The following ABHD8 variants were observed in gnomAD, a reference collection of about 807,000 sequenced individuals.
ABHD8 encodes the protein protein ABHD8.
Under a neutral mutation model 29.3 loss-of-function variants are expected in ABHD8, and 10 were observed. The observed-to-expected ratio is 0.34, with a 90% CI of 0.21 to 0.58. The LOEUF (loss-of-function observed/expected upper bound fraction) is 0.58. Among genes scored for constraint, ABHD8 ranks in the 20% least tolerant of loss-of-function variants. ABHD8 has a pLI of 0.85. For synonymous variants in ABHD8, 282 were observed against 274.6 expected (o/e 1.03, Z -0.27); for missense variants, 556 against 615.3 (o/e 0.90, Z 1.02).
intron 4 of ABHD8, among the ~76,000 whole-genome samples, chr19:17,293,254 C>A (rs2074078960): frequency 6.6e-6 from 1 of 151,900 alleles, no homozygotes; most frequent in African/African-American, 2.4e-5. Context: ...CGCCACTACA[C>A]CCGGCTAATT....
intron 4 of ABHD8, among the ~76,000 whole-genome samples, chr19:17,293,667 C>T (rs1046752594): frequency 1.3e-5 from 2 of 149,282 alleles, no homozygotes; most frequent in African/African-American, 2.5e-5. Flanking sequence ...AACCACCAGT[C>T]CAGTTATACT....
chr19:17,294,241 G>C, intron 4 of ABHD8, 47 bp downstream of exon 4: 1 of 1,576,940 alleles, frequency 6.3e-7, no homozygotes, highest in Non-Finnish European at 8.6e-7. Flanking sequence ...CTCCCGGGCA[G>C]CACCCTGGGG....
In ABHD8 at chr19:17,300,975, C is replaced by T. The variant is rs778584552; in HGVS notation, c.642G>A (p.Gly214=). 1 of 1,613,492 alleles carries T rather than the reference C, an allele frequency of 6.2e-7. No individual in the cohort carries two copies. The highest frequency in any genetic ancestry group is 1.7e-5 in the Admixed American group (1 of 60,026). ...EVVAPDLAGH[G]ASSAPQVAAA... ...CGGCCACCTGGGGCGCAGAGCTGGC[C>T]CCGTGGCCGGCCAGGTCAGGAGCCA... The change falls in exon 2 of 5, where the codon GGG becomes GGA. Residue 214 remains glycine (G), a synonymous_variant. Coordinates refer to ENST00000247706, the MANE Select transcript of ABHD8 (RefSeq NM_024527.5).
At chr19:17,297,263 C>T (rs2145654946) in intron 2 of ABHD8, among the ~76,000 whole-genome samples, 1 of 152,182 alleles carries the variant, frequency 6.6e-6, no homozygotes, top group South Asian at 2.1e-4. Flanking sequence ...GTTATGGGGT[C>T]ATGGGAACTA....
rs2074117633 is a variant in ABHD8, at chr19:17,301,391, C to G, written c.226G>C (p.Val76Leu). 6.2e-7 allele frequency: 1 copy of G among 1,611,620 alleles called. No individual in the cohort carries two copies. The highest frequency in any genetic ancestry group is 1.3e-5 in the African/African-American group (1 of 74,944). ...ACGGTGATCCGGCGCTGACAGCGGA[C>G]CAAGCCGGAGAGGTCCCCCTGGGCT... ...DAAQGDLSGL[V>L]RCQRRITVYR... The change falls in exon 2 of 5, where the codon GTC (valine) becomes CTC (leucine). Residue 76 changes from valine to leucine, a missense_variant. Coordinates refer to ENST00000247706, the MANE Select transcript of ABHD8 (RefSeq NM_024527.5).
chr19:17,300,103 ACCGT>A (rs1396085846), intron 2 of ABHD8, among the ~76,000 whole-genome samples: 1 of 150,150 alleles, frequency 6.7e-6, no homozygotes, highest in Admixed American at 6.6e-5. Flanking sequence ...ACAGGGTTTC[ACCGT>A]GTTAGCCAGG....
intron 2 of ABHD8, among the ~76,000 whole-genome samples, chr19:17,295,564 A>G (rs915976867): frequency 9.9e-5 from 15 of 150,946 alleles, no homozygotes; most frequent in African/African-American, 3.4e-4. Context: ...GCACCACCAC[A>G]CCTGGCTAAT....
At position 17,294,656 on chromosome 19, in the gene ABHD8, T is replaced by C; in HGVS notation, c.932+19A>G. ...TTCGCCAGGGCCAGGATCACGGTCT[T>C]TGGGGTGGGGACACTCACTTGAGGA... On this transcript the variant is annotated intron_variant, in intron 3 of 4. Transcript: ENST00000247706. The C allele has an allele frequency of 6.2e-7, 1 of 1,612,148 alleles. No homozygotes were observed. The highest frequency in any genetic ancestry group is 8.5e-7 in the Non-Finnish European group (1 of 1,178,638).
In ABHD8 at chr19:17,292,503, A is replaced by T; in HGVS notation, c.*158T>A. 1.1e-6 allele frequency: 1 copy of T among 872,904 alleles called. No individual in the cohort carries two copies. Among genetic ancestry groups the T allele is most frequent in the Non-Finnish European group, 1.6e-6 (1 of 613,508 alleles). 54.1% of individuals were successfully genotyped at this position (872,904 alleles called of 1,614,324 possible). A position where few individuals can be genotyped will look rare whatever the true frequency, so the allele number is the denominator to read the frequency against. On this transcript the variant is annotated 3_prime_UTR_variant, in exon 5 of 5. Transcript: ENST00000247706. ...TGTCCGCTGGGCTCCCTCGGATGCC[A>T]CGCCCCGCCCAGGCAGCCTGGGGGC... is the stretch of plus-strand genomic sequence containing the variant.
Position 17,294,501 on chromosome 19 carries a change from G to T in ABHD8, c.936C>A (p.Ala312=), listed in dbSNP as rs370502455. ...SPCLAWSFLK[A]GFARQGAKEK... ...CCTTGGCTCCTTGGCGGGCGAAGCC[G>T]GCCCTGGTGGTGGTGGAGGCACCGC... The change falls in exon 4 of 5, where the codon GCC becomes GCA. Residue 312 remains alanine (A), a synonymous_variant. Transcript: ENST00000247706. 2.5e-6 allele frequency: 4 copies of T among 1,613,640 alleles called. No individual in the cohort carries two copies. In the Admixed American group the frequency reaches 5.0e-5, roughly 20 times the overall value.
Position 17,301,557 on chromosome 19 carries a change from G to A in ABHD8, c.60C>T (p.Ala20=), listed in dbSNP as rs11086066. Residue 20 remains alanine, a synonymous_variant, in exon 2 of 5, where the codon GCC becomes GCT. Transcript: ENST00000247706. ...ACTCGACGCTCTCCAGTGGCCCCAC[G>A]GCGTTGGGGGGCGTGCCCAGCAGGC... The part of the protein sequence containing the change: ...FCCLLGTPPN[A]VGPLESVESS... The A allele has an allele frequency of 0.29, 469,696 of 1,602,192 alleles. 70,527 individuals are homozygous for A. Among genetic ancestry groups the A allele is most frequent in the South Asian group, 0.37 (33,282 of 90,426 alleles).
Position 17,301,526 on chromosome 19 carries a change from C to T in ABHD8, c.91G>A (p.Asp31Asn), listed in dbSNP as rs968935995. 36 of 1,610,288 alleles carry T rather than the reference C, an allele frequency of 2.2e-5. No individual in the cohort carries two copies. Among genetic ancestry groups the T allele is most frequent in the Non-Finnish European group, 2.9e-5 (34 of 1,178,884 alleles). The change falls in exon 2 of 5, where the codon GAT becomes AAT. Residue 31 changes from aspartate to asparagine, a missense_variant. This residue lies in a region of ABHD8 where 286 missense variants were observed against 261.4 expected (regional missense o/e 1.09). Transcript: ENST00000247706. ...TTGACCTCTACAAAGGTGTAGCCAT[C>T]GCTGGACTCGACGCTCTCCAGTGGC... The part of the protein sequence containing the change: ...VGPLESVESS[D>N]GYTFVEVKPG...
rs1482992607 is a variant in ABHD8 at position 17,295,147 on chromosome 19, G to A, written c.762-302C>T. Among the ~76,000 whole-genome samples the A allele has an allele frequency of 4.5e-5, 6 of 133,160 alleles. No individual in the cohort carries two copies. The East Asian group carries it at 1.2e-3, about 26-fold the overall frequency. 87.4% of individuals were successfully genotyped at this position (133,160 alleles called of 152,430 possible). ...GGAGTCTCGCTCTGTCGCCCAGGCC[G>A]GACTGCGGACTGCAGTGGCGCAATC... is the stretch of plus-strand genomic sequence containing the variant. On this transcript the variant is annotated intron_variant, in intron 2 of 4. Coordinates refer to ENST00000247706, the MANE Select transcript of ABHD8 (RefSeq NM_024527.5).
At position 17,294,716 on chromosome 19, in the gene ABHD8, G is replaced by C. The variant is rs764860195; in HGVS notation, c.891C>G (p.Val297=). ...CCAGGCAGGGCGACAAGCAGTGCAG[G>C]ACGCAGGTGGGCATGTTGAAGATTG... ...FCSIFNMPTC[V]LHCLSPCLAW... is the part of the protein sequence containing the mutation. The change falls in exon 3 of 5, where the codon GTC becomes GTG. Residue 297 remains valine, a synonymous_variant. Transcript: ENST00000247706. 9 of 1,614,062 alleles carry C rather than the reference G, an allele frequency of 5.6e-6. No individual in the cohort carries two copies.
Position 17,294,815 on chromosome 19 carries a change from C to T in ABHD8, c.792G>A (p.Glu264=), listed in dbSNP as rs1311246620. 2 of 1,614,176 alleles carry T rather than the reference C, an allele frequency of 1.2e-6. No individual in the cohort carries two copies. Among genetic ancestry groups the T allele is most frequent in the Non-Finnish European group, 1.7e-6 (2 of 1,180,016 alleles). Residue 264 remains glutamate (E), a synonymous_variant, in exon 3 of 5, where the codon GAG becomes GAA. Coordinates refer to ENST00000247706, the MANE Select transcript of ABHD8 (RefSeq NM_024527.5). ...GVSFCTFLAH[E]YPDLVHKVIM... ...TCACCTTGTGCACTAGGTCTGGGTA[C>T]TCATGTGCCAGGAATGTGCAGAAAG...
chr19:17,298,735 C>CTTTTTTTTTT (rs34731394), intron 2 of ABHD8, among the ~76,000 whole-genome samples: 1 of 70,422 alleles, frequency 1.4e-5, no homozygotes, highest in Non-Finnish European at 2.5e-5. Context: ...AACAACACTG[C>CTTTTTTTTTT]TTTTTTTTTT....
intron 3 of ABHD8, 44 bp from the exon 4 acceptor site, chr19:17,294,548 G>A: frequency 2.5e-6 from 4 of 1,611,876 alleles, no homozygotes; most frequent in Non-Finnish European, 2.5e-6. Context: ...ATGCCAGCCC[G>A]ACTGCCGTGG....
rs138165311 is a variant in ABHD8, at chr19:17,292,207, C to T, written c.*454G>A. On this transcript the variant is annotated 3_prime_UTR_variant, in exon 5 of 5. Coordinates refer to ENST00000247706, the MANE Select transcript of ABHD8 (RefSeq NM_024527.5). ...GTGGCGCCAGCCCCCCCATCCCCCC[C>T]CCTTGGGCAAAAATAGCTCCCAGCG... The T allele has an allele frequency of 6.8e-3, 1,361 of 199,366 alleles. 10 individuals carry two copies. Among genetic ancestry groups the T allele is most frequent in the Middle Eastern group, 0.014 (8 of 576 alleles). The allele number at this position is 199,366 out of a possible 1,614,324, so 12.3% of individuals were successfully genotyped here. A position where few individuals can be genotyped will look rare whatever the true frequency, so the allele number is the denominator to read the frequency against.
rs774760937 is a variant in ABHD8 at position 17,292,724 on chromosome 19, C to G, written c.1257G>C (p.Glu419Asp). Reference protein sequence around the residue: ...NTLLHEFLLWEPEPSPKALPE... With the variant: ...NTLLHEFLLWDPEPSPKALPE... ...GTAGAGCCTTGGGCGAGGGCTCGGGCTCCCAGAGCAGGAATTCGTGGAGCA... is the reference window on the plus strand; with the variant it reads ...GTAGAGCCTTGGGCGAGGGCTCGGGGTCCCAGAGCAGGAATTCGTGGAGCA... The change falls in exon 5 of 5, where the codon GAG (glutamate) becomes GAC (aspartate). Residue 419 changes from glutamate to aspartate, a missense_variant. Physicochemically the swap from Glu to Asp is conservative, Grantham distance 45 (BLOSUM62 2). Coordinates refer to ENST00000247706, the MANE Select transcript of ABHD8 (RefSeq NM_024527.5). The G allele has an allele frequency of 6.2e-7, 1 of 1,613,724 alleles. No homozygotes were observed. Among genetic ancestry groups the G allele is most frequent in the Non-Finnish European group, 8.5e-7 (1 of 1,179,936 alleles).
Sources: allele counts gnomAD v4.1 joint callset (sites outside exome capture counted in the v4.1 genomes callset), GRCh38; gene constraint gnomAD v4.1.1; regional missense constraint gnomAD v4.1.1; transcripts MANE v1.5; gene names NCBI Gene and HGNC (gene_info 2026-07-23, HGNC 2026-07-21).